The following KPTN variants were observed in gnomAD, a reference collection of about 807,000 sequenced individuals.
The protein encoded by KPTN is KICSTOR complex protein kaptin.
In KPTN, 36 loss-of-function variants were observed where a neutral mutation model predicts 52.6. That is an observed-to-expected ratio of 0.68 (90% CI 0.52 to 0.90). KPTN has a LOEUF of 0.90. Ranked by LOEUF, KPTN falls within the 40% of genes least tolerant of loss-of-function variation. The pLI, the probability that KPTN is intolerant of heterozygous loss-of-function variation, is 0.00. For missense variants in KPTN, 529 were observed against 576.2 expected (o/e 0.92, Z 0.84); for synonymous variants, 271 against 248.4 (o/e 1.09, Z -0.85).
At chr19:47,481,373 G>C (rs887616121) in intron 4 of KPTN, among the ~76,000 whole-genome samples, 1 of 152,172 alleles carries the variant, frequency 6.6e-6, no homozygotes, top group South Asian at 2.1e-4. Flanking sequence ...TGGAACTCTA[G>C]AATGAACTGC....
chr19:47,476,743 G>T, intron 10 of KPTN, 29 bp from the exon 11 acceptor site: 1 of 1,606,690 alleles, frequency 6.2e-7, no homozygotes, highest in East Asian at 2.2e-5. Context: ...AGGTCACACA[G>T]GTTGATGGGG....
At chr19:47,475,678 G>A in intron 11 of KPTN, 134 bp from the exon 12 acceptor site, 1 of 1,021,328 alleles carries the variant, frequency 9.8e-7, no homozygotes, top group Admixed American at 2.3e-5. Context: ...AGACCACAGT[G>A]TGTGGGATGG....
rs558111031 is a variant in KPTN at position 47,476,354 on chromosome 19, G to A, written c.1182+178C>T. ...ATAAATAAATCTCCTTCACCAGGCC[G>A]GTGCCCCCACCCCAGCTGCTGTGAG... On this transcript the variant is annotated intron_variant, in intron 11 of 11. Coordinates refer to ENST00000338134, the MANE Select transcript of KPTN (RefSeq NM_007059.4). Among the ~76,000 whole-genome samples the A allele has an allele frequency of 4.7e-5, 4 of 85,920 alleles. No individual in the cohort carries two copies. The South Asian group carries it at 1.9e-3, about 42-fold the overall frequency. 56.4% of individuals were successfully genotyped at this position (85,920 alleles called of 152,430 possible).
intron 4 of KPTN, 49 bp downstream of exon 4, chr19:47,483,112 G>T (rs1478586412): frequency 4.5e-6 from 7 of 1,570,536 alleles, no homozygotes; most frequent in Non-Finnish European, 6.1e-6. Flanking sequence ...AGAAGCCAGG[G>T]TTTCTACATT....
At position 47,484,165 on chromosome 19, in the gene KPTN, C is replaced by T. The variant is rs750931265; in HGVS notation, c.-5G>A. ...CACGGCCGCCTCCCCCATCATGCCC[C>T]TCAGTTAAGCACCCTCTCCGCAGCC... On this transcript the variant is annotated 5_prime_UTR_variant, in exon 1 of 12. Coordinates refer to ENST00000338134, the MANE Select transcript of KPTN (RefSeq NM_007059.4). 1.3e-6 allele frequency: 2 copies of T among 1,595,022 alleles called. No individual in the cohort carries two copies. The highest frequency in any genetic ancestry group is 2.2e-5 in the East Asian group (1 of 44,728).
At chr19:47,479,278 G>C (rs184301978) in intron 8 of KPTN, among the ~76,000 whole-genome samples, 1 of 152,326 alleles carries the variant, frequency 6.6e-6, no homozygotes, top group Non-Finnish European at 1.5e-5. Flanking sequence ...CCCGACCTCA[G>C]GTGATCCGTC....
At chr19:47,480,576 G>C (rs1295040939) in intron 6 of KPTN, 169 bp from the exon 7 acceptor site, 1 of 747,582 alleles carries the variant, frequency 1.3e-6, no homozygotes, top group Non-Finnish European at 2.3e-6. Flanking sequence ...CTCACCACCC[G>C]AGGGCTGAGT....
In KPTN at chr19:47,475,182, G is replaced by A. The variant is rs1024329063; in HGVS notation, c.*234C>T. 7.1e-6 allele frequency: 3 copies of A among 421,388 alleles called. No individual in the cohort carries two copies. The highest frequency in any genetic ancestry group is 4.4e-5 in the East Asian group (1 of 22,924). The allele number at this position is 421,388 out of a possible 1,614,324, so 26.1% of individuals were successfully genotyped here. Reference sequence around the variant, plus strand: ...CTTCTGGACGTATAAATAACCATCAGGTGGCCAATTCTCATCCAGAGTGGA... The same window carrying A: ...CTTCTGGACGTATAAATAACCATCAAGTGGCCAATTCTCATCCAGAGTGGA... On this transcript the variant is annotated 3_prime_UTR_variant, in exon 12 of 12. Coordinates refer to ENST00000338134, the MANE Select transcript of KPTN (RefSeq NM_007059.4).
intron 4 of KPTN, 102 bp from the exon 5 acceptor site, chr19:47,481,135 A>G: frequency 1.1e-6 from 1 of 913,006 alleles, no homozygotes; most frequent in Non-Finnish European, 1.8e-6. Flanking sequence ...GAACCTTAAC[A>G]TTCTGGGATC....
Position 47,483,809 on chromosome 19 carries a change from A to T in KPTN, c.226+126T>A. The T allele has an allele frequency of 1.5e-6, 2 of 1,328,200 alleles. 1 individual carries two copies. Among genetic ancestry groups the T allele is most frequent in the South Asian group, 2.8e-5 (2 of 72,444 alleles). The allele number at this position is 1,328,200 out of a possible 1,614,324, so 82.3% of individuals were successfully genotyped here. On this transcript the variant is annotated intron_variant, in intron 1 of 11. Coordinates refer to ENST00000338134, the MANE Select transcript of KPTN (RefSeq NM_007059.4). ...CCAACTATGCCTGCCCGCTGATCCCAGTGACCCCCTTAAAACCACCTGATC... is the reference window on the plus strand; with the variant it reads ...CCAACTATGCCTGCCCGCTGATCCCTGTGACCCCCTTAAAACCACCTGATC...
At chr19:47,484,683 A>G (rs992190133), upstream of KPTN, among the ~76,000 whole-genome samples, 1 of 151,842 alleles carries the variant, frequency 6.6e-6, no homozygotes, top group African/African-American at 2.4e-5. Context: ...TGGAAACCAA[A>G]CAAGGTAACT....
chr19:47,475,480 C>G lies in KPTN; in HGVS notation c.1247G>C (p.Arg416Thr), dbSNP rs201694339. The G allele has an allele frequency of 1.8e-5, 29 of 1,613,596 alleles. No individual in the cohort carries two copies. The highest frequency in any genetic ancestry group is 2.4e-5 in the Non-Finnish European group (28 of 1,179,586). The change falls in exon 12 of 12, where the codon AGA becomes ACA. Residue 416 changes from arginine (R) to threonine (T), a missense_variant. By Grantham distance (71) the Arg-to-Thr change is moderately conservative. Coordinates refer to ENST00000338134, the MANE Select transcript of KPTN (RefSeq NM_007059.4). Reference protein sequence around the residue: ...TRLRHQVEQRRRRLQGLEDGA... With the variant: ...TRLRHQVEQRTRRLQGLEDGA... Reference sequence around the variant, plus strand: ...GTCCTCCAACCCCTGTAGCCGACGTCTCCTCTGCTCCACTTGATGTCGAAG... The same window carrying G: ...GTCCTCCAACCCCTGTAGCCGACGTGTCCTCTGCTCCACTTGATGTCGAAG...
intron 8 of KPTN, among the ~76,000 whole-genome samples, chr19:47,477,995 G>C (rs1408303299): frequency 6.6e-6 from 1 of 151,908 alleles, no homozygotes; most frequent in Non-Finnish European, 1.5e-5. Flanking sequence ...GGGAGGCGGA[G>C]GTTGGAGTGA....
Position 47,476,589 on chromosome 19 carries a change from G to C in KPTN, c.1125C>G (p.Thr375=). ...CGGCAAGCTCCTGCAGCCCATCCCC[G>C]GTCAGGTCCACGTGAGCCATGGCCA... ...PLLAMAHVDL[T]GDGLQELAVV... is the part of the protein sequence containing the mutation. The change falls in exon 11 of 12, where the codon ACC becomes ACG. Residue 375 remains threonine (T), a synonymous_variant. Coordinates refer to ENST00000338134, the MANE Select transcript of KPTN (RefSeq NM_007059.4). 6.2e-7 allele frequency: 1 copy of C among 1,611,934 alleles called. No individual in the cohort carries two copies. Among genetic ancestry groups the C allele is most frequent in the Non-Finnish European group, 8.5e-7 (1 of 1,179,654 alleles).
chr19:47,484,940 T>C (rs1421505888), upstream of KPTN, among the ~76,000 whole-genome samples: 1 of 152,136 alleles, frequency 6.6e-6, no homozygotes, highest in Non-Finnish European at 1.5e-5. Flanking sequence ...CCTCAGGTGA[T>C]CCGCCCACCT....
rs1348121946 is a variant in KPTN at position 47,476,880 on chromosome 19, C to G, written c.922G>C (p.Asp308His). ...GTGACCAGGCTGCAGAGGACGCTGT[C>G]AAACTGGTCACTGCCGGGCAGGAGA... Reference protein sequence around the residue: ...QLLLPGSDQFDSVLCSLVTDV... With the variant: ...QLLLPGSDQFHSVLCSLVTDV... The change falls in exon 10 of 12, where the codon GAC (aspartate) becomes CAC (histidine). Residue 308 changes from aspartate (D) to histidine (H), a missense_variant. By Grantham distance (81) the Asp-to-His change is moderately conservative (BLOSUM62 -1). Coordinates refer to ENST00000338134, the MANE Select transcript of KPTN (RefSeq NM_007059.4). 2 of 1,565,814 alleles carry G rather than the reference C, an allele frequency of 1.3e-6. No individual in the cohort carries two copies. Among genetic ancestry groups the G allele is most frequent in the Non-Finnish European group, 1.7e-6 (2 of 1,154,808 alleles).
rs889122813 is a variant in KPTN at position 47,480,935 on chromosome 19, C to G, written c.525+23G>C. 9 of 1,611,872 alleles carry G rather than the reference C, an allele frequency of 5.6e-6. No individual in the cohort carries two copies. The African/African-American group carries it at 9.3e-5, about 17-fold the overall frequency. On this transcript the variant is annotated intron_variant, in intron 5 of 11. Transcript: ENST00000338134. ...CCACAGTGAATCCCACAGGGCTCTG[C>G]CCAGCACGCCGCCCCACCTCACCTC... is the stretch of plus-strand genomic sequence containing the variant.
At chr19:47,477,066 C>G (rs1456206506) in intron 9 of KPTN, 128 bp from the exon 10 acceptor site, 1 of 938,172 alleles carries the variant, frequency 1.1e-6, no homozygotes, top group Admixed American at 2.6e-5. Context: ...CTCCGGAAGC[C>G]TAGACATCAT....
chr19:47,480,862 C>A (rs199781618), intron 5 of KPTN, 29 bp from the exon 6 acceptor site: 2 of 1,613,556 alleles, frequency 1.2e-6, no homozygotes, highest in African/African-American at 2.7e-5. Flanking sequence ...ACCCCACCCC[C>A]GCTTAAGTCA....
Sources: allele counts gnomAD v4.1 joint callset (sites outside exome capture counted in the v4.1 genomes callset), GRCh38; gene constraint gnomAD v4.1.1; transcripts MANE v1.5; gene names NCBI Gene and HGNC (gene_info 2026-07-23, HGNC 2026-07-21).